The following ZC3H7A variants were observed in gnomAD, a reference collection of about 807,000 sequenced individuals.
The protein encoded by ZC3H7A is zinc finger CCCH domain-containing protein 7A.
A neutral mutation model predicts 125.5 loss-of-function variants in ZC3H7A; 44 were observed. The ratio of observed to expected loss-of-function variants is 0.35; its 90% CI spans 0.28 to 0.45. ZC3H7A has a LOEUF of 0.45. Ranked by LOEUF, ZC3H7A falls within the 20% of genes least tolerant of loss-of-function variation. The pLI is 1.00. For synonymous variants in ZC3H7A, 399 were observed against 391.2 expected, an observed-to-expected ratio of 1.02 and a Z score of -0.23; for missense variants, 977 against 1,170.7, an observed-to-expected ratio of 0.83 and a Z score of 2.41.
At chr16:11,792,048 C>A (rs1039582090) in intron 1 of ZC3H7A, among the ~76,000 whole-genome samples, 1 of 152,140 alleles carries the variant, frequency 6.6e-6, no homozygotes, top group Non-Finnish European at 1.5e-5. Context: ...GCTGGAACTA[C>A]AAGCACATGC....
chr16:11,753,646 T>G (rs960900443), intron 21 of ZC3H7A: 22 of 151,888 alleles, frequency 1.4e-4, no homozygotes, highest in African/African-American at 5.1e-4. Flanking sequence ...GTAGGCCTTA[T>G]TTATTTATTT....
chr16:11,758,711 AATG>A (rs1400584115), intron 19 of ZC3H7A, 172 bp from the exon 20 acceptor site: 3 of 570,188 alleles, frequency 5.3e-6, no homozygotes, highest in South Asian at 4.4e-5. Context: ...AAATATATGA[AATG>A]ATATTAAGGT....
chr16:11,763,769 A>G (rs1182606923), intron 15 of ZC3H7A, 110 bp from the exon 16 acceptor site: 73 of 169,272 alleles, frequency 4.3e-4, no homozygotes, highest in Admixed American at 9.0e-4. Context: ...ATATATATAT[A>G]AAGTTCTACA....
intron 16 of ZC3H7A, 91 bp downstream of exon 16, chr16:11,763,387 G>C (rs909418385): frequency 1.5e-6 from 2 of 1,334,552 alleles, no homozygotes; most frequent in African/African-American, 1.5e-5. Flanking sequence ...GGGATTACAG[G>C]CATGAGCCAC....
chr16:11,782,433 C>T lies in ZC3H7A; in HGVS notation c.-34-45G>A. The stretch of plus-strand genomic sequence containing the variant: ...AAAAGCACATAAGGTACCAGGGTCC[C>T]TGGACTCCAATGAAAACACCCACAA... On this transcript the variant is annotated intron_variant, in intron 1 of 22. Transcript: ENST00000355758. 3.3e-6 allele frequency: 5 copies of T among 1,536,352 alleles called. No homozygotes were observed. The Admixed American group carries it at 8.4e-5, about 26-fold the overall frequency.
intron 5 of ZC3H7A, 57 bp downstream of exon 5, chr16:11,776,694 C>T (rs765985315): frequency 3.8e-5 from 59 of 1,545,454 alleles, no homozygotes; most frequent in South Asian, 6.3e-5. Context: ...TCTTTAAATG[C>T]CATTTATTAT....
At chr16:11,769,918 T>C (rs1212237337) in intron 10 of ZC3H7A, among the ~76,000 whole-genome samples, 1 of 148,554 alleles carries the variant, frequency 6.7e-6, no homozygotes, top group African/African-American at 2.5e-5. Context: ...ACCTCCCAAG[T>C]AACTGGGATC....
chr16:11,770,894 C>G lies in ZC3H7A; in HGVS notation c.997G>C (p.Ala333Pro). 6.2e-7 allele frequency: 1 copy of G among 1,614,128 alleles called. No individual in the cohort carries two copies. Among genetic ancestry groups the G allele is most frequent in the Non-Finnish European group, 8.5e-7 (1 of 1,180,018 alleles). The change falls in exon 10 of 23, where the codon GCG becomes CCG. Residue 333 changes from alanine (A) to proline (P), a missense_variant. Around this residue, in one of 3 missense-constraint regions of ZC3H7A, gnomAD observed 342 missense variants for 311.3 expected, o/e 1.10. Transcript: ENST00000355758. The part of the protein sequence containing the change: ...ASLLGTLPIG[A>P]RYAPPPSFSE... ...AAGGAGGGTGGAGGAGCATACCTCG[C>G]ACCAATGGGTAAGGTTCCTAACAGC...
At chr16:11,766,338 G>T (rs970399480) in intron 13 of ZC3H7A, among the ~76,000 whole-genome samples, 2 of 152,232 alleles carry the variant, frequency 1.3e-5, no homozygotes, top group African/African-American at 4.8e-5. Context: ...GCCGAGGCAG[G>T]CAGATCATTT....
In ZC3H7A at chr16:11,765,567, A is replaced by G. The variant is rs1327280320; in HGVS notation, c.1641T>C (p.Phe547=). The change falls in exon 14 of 23, where the codon TTT becomes TTC. Residue 547 remains phenylalanine (F), a synonymous_variant. Transcript: ENST00000355758. The surrounding 1 kb of genome is among the most constrained non-coding windows in gnomAD (Gnocchi z 4.8). ...TAAGGTTAATCTTTCCATTGCCGCC[A>G]AAGAAAGCCTCCCGGCTGAATGCTC... ...RKGAFSREAF[F]GGNGKINLTV... 6.2e-7 allele frequency: 1 copy of G among 1,614,086 alleles called. No individual in the cohort carries two copies. Among genetic ancestry groups the G allele is most frequent in the Non-Finnish European group, 8.5e-7 (1 of 1,180,030 alleles).
At chr16:11,778,161 G>A (rs911784037) in intron 4 of ZC3H7A, among the ~76,000 whole-genome samples, 1 of 151,738 alleles carries the variant, frequency 6.6e-6, no homozygotes, top group African/African-American at 2.4e-5. Context: ...CACTCGCCAG[G>A]CACGGTGGCT....
At chr16:11,759,999 A>T (rs1009580827) in intron 19 of ZC3H7A, 22 of 152,126 alleles carry the variant, frequency 1.4e-4, no homozygotes, top group African/African-American at 5.3e-4. Flanking sequence ...CACGCCTGTA[A>T]TCCCAGCTAC....
intron 4 of ZC3H7A, among the ~76,000 whole-genome samples, 185 bp from the exon 5 acceptor site, chr16:11,777,094 A>G (rs1188070272): frequency 1.3e-5 from 2 of 152,208 alleles, no homozygotes; most frequent in Non-Finnish European, 2.9e-5. Context: ...AAGTAGAAAG[A>G]ATATCATGAA....
intron 3 of ZC3H7A, among the ~76,000 whole-genome samples, chr16:11,779,810 A>G (rs1473115474): frequency 6.6e-6 from 1 of 151,828 alleles, no homozygotes; most frequent in Non-Finnish European, 1.5e-5. Flanking sequence ...GTGTGTGGGT[A>G]CCCGTGCACA....
intron 1 of ZC3H7A, among the ~76,000 whole-genome samples, chr16:11,793,256 G>C (rs1303654060): frequency 1.3e-5 from 2 of 152,114 alleles, no homozygotes; most frequent in Non-Finnish European, 2.9e-5. Context: ...TTACAGGCTG[G>C]GTGCAGTGGC....
chr16:11,771,242 G>C (rs2052975623), intron 9 of ZC3H7A, among the ~76,000 whole-genome samples: 1 of 151,934 alleles, frequency 6.6e-6, no homozygotes. Context: ...CAAAACATTG[G>C]CTGTGCATGG....
At chr16:11,790,412 C>T (rs1259715055) in intron 1 of ZC3H7A, among the ~76,000 whole-genome samples, 1 of 152,156 alleles carries the variant, frequency 6.6e-6, no homozygotes, top group Non-Finnish European at 1.5e-5. Flanking sequence ...CTGAGCTTTA[C>T]TTATTTATGG....
At chr16:11,762,535 A>G (rs920927640) in intron 17 of ZC3H7A, 136 bp downstream of exon 17, 4 of 812,382 alleles carry the variant, frequency 4.9e-6, no homozygotes, top group South Asian at 1.7e-5. Context: ...GTTTTTTCAC[A>G]TAAGAATGAC....
intron 1 of ZC3H7A, among the ~76,000 whole-genome samples, chr16:11,785,068 G>A (rs2053235858): frequency 6.6e-6 from 1 of 151,974 alleles, no homozygotes; most frequent in Non-Finnish European, 1.5e-5. Context: ...TGGGGCAGGA[G>A]AATCGCTTCA....
Sources: gnomAD v4.1 joint callset for allele counts (sites outside exome capture counted in the v4.1 genomes callset) on GRCh38, gnomAD v4.1.1 for gene constraint, gnomAD v4.1.1 regional missense constraint, Gnocchi (gnomAD v3.1) non-coding constraint, MANE v1.5 for transcripts, NCBI Gene and HGNC (gene_info 2026-07-23, HGNC 2026-07-21) for gene names.